MAST4: variants seen among roughly 807,000 people sequenced by gnomAD.
MAST4 encodes the protein microtubule-associated serine/threonine-protein kinase 4.
A neutral mutation model predicts 162.7 loss-of-function variants in MAST4; 89 were observed. The observed-to-expected ratio is 0.55, with a 90% CI of 0.46 to 0.65. The LOEUF is 0.65. Ranked by LOEUF, MAST4 falls within the 30% of genes least tolerant of loss-of-function variation. The pLI is 0.00. For missense variants in MAST4, 3,153 were observed against 3,374.0 expected (o/e 0.93, Z 1.62); for synonymous variants, 1,479 against 1,361.1 (o/e 1.09, Z -1.91).
At chr5:66,829,882 C>T (rs1238209535) in intron 3 of MAST4, among the ~76,000 whole-genome samples, 1 of 151,982 alleles carries the variant, frequency 6.6e-6, no homozygotes, top group African/African-American at 2.4e-5. Context: ...GGATTATTTG[C>T]AGCTAAACAA....
At chr5:66,707,925 C>T (rs927084851) in intron 1 of MAST4, among the ~76,000 whole-genome samples, 1 of 152,092 alleles carries the variant, frequency 6.6e-6, no homozygotes, top group Non-Finnish European at 1.5e-5. Flanking sequence ...GAAAGACTTA[C>T]CATGAAGACA....
At chr5:67,079,950 C>T (rs1376214065) in intron 5 of MAST4, among the ~76,000 whole-genome samples, 1 of 152,206 alleles carries the variant, frequency 6.6e-6, no homozygotes, top group East Asian at 1.9e-4. Flanking sequence ...TACCAGGGGT[C>T]TGCAAAAGGG....
At chr5:67,025,832 AG>A (rs1754575615) in intron 4 of MAST4, among the ~76,000 whole-genome samples, 1 of 152,214 alleles carries the variant, frequency 6.6e-6, no homozygotes, top group Admixed American at 6.6e-5. Flanking sequence ...GAGGGCCCCA[AG>A]GCCCGGACAT....
intron 4 of MAST4, among the ~76,000 whole-genome samples, chr5:67,040,715 T>G (rs1221894203): frequency 6.6e-6 from 1 of 152,258 alleles, no homozygotes; most frequent in Non-Finnish European, 1.5e-5. Context: ...TGTGGATTCC[T>G]AGTTACCAAG....
intron 4 of MAST4, among the ~76,000 whole-genome samples, chr5:66,977,199 C>T (rs1240839901): frequency 1.3e-5 from 2 of 152,188 alleles, no homozygotes; most frequent in African/African-American, 4.8e-5. Context: ...CTCCTGGGTT[C>T]AAGCGATTCT....
intron 1 of MAST4, among the ~76,000 whole-genome samples, chr5:66,623,481 T>C (rs1289175735): frequency 6.6e-6 from 1 of 152,232 alleles, no homozygotes; most frequent in Non-Finnish European, 1.5e-5. Context: ...GCAAGGATGG[T>C]TCAATGTACA....
intron 3 of MAST4, among the ~76,000 whole-genome samples, chr5:66,789,494 C>T (rs1447227229): frequency 6.6e-6 from 1 of 152,156 alleles, no homozygotes; most frequent in African/African-American, 2.4e-5. Flanking sequence ...TCTTTTATGA[C>T]ATTTGACATT....
At chr5:66,760,100 T>C (rs1753772330) in intron 2 of MAST4, among the ~76,000 whole-genome samples, 1 of 150,892 alleles carries the variant, frequency 6.6e-6, no homozygotes, top group African/African-American at 2.4e-5. Flanking sequence ...TATTTATTTA[T>C]TTATTTATTT....
At chr5:67,105,211 T>C (rs930989859) in intron 10 of MAST4, among the ~76,000 whole-genome samples, 1 of 152,142 alleles carries the variant, frequency 6.6e-6, no homozygotes, top group Non-Finnish European at 1.5e-5. Context: ...CTGGCTGAAA[T>C]TGACCAGCCA....
At chr5:67,116,735 G>A (rs976912510) in intron 12 of MAST4, among the ~76,000 whole-genome samples, 1 of 151,996 alleles carries the variant, frequency 6.6e-6, no homozygotes, top group Non-Finnish European at 1.5e-5. Context: ...AGAATCGCTC[G>A]AACCCAGGAG....
intron 3 of MAST4, among the ~76,000 whole-genome samples, chr5:66,811,415 CA>C (rs1407254640): frequency 6.6e-6 from 1 of 152,186 alleles, no homozygotes; most frequent in East Asian, 1.9e-4. Flanking sequence ...AGGACAGACT[CA>C]TCTAAACACG....
At chr5:66,811,426 G>C (rs983935391) in intron 3 of MAST4, among the ~76,000 whole-genome samples, 1 of 152,148 alleles carries the variant, frequency 6.6e-6, no homozygotes, top group Admixed American at 6.5e-5. Context: ...ATCTAAACAC[G>C]TTAGAACTTT....
intron 2 of MAST4, among the ~76,000 whole-genome samples, chr5:66,766,994 T>C (rs1196206069): frequency 6.6e-6 from 1 of 152,184 alleles, no homozygotes; most frequent in African/African-American, 2.4e-5. Context: ...TTCCATCTTC[T>C]GGTTTTGCTC....
intron 4 of MAST4, among the ~76,000 whole-genome samples, chr5:66,976,604 GT>G (rs1317233114): frequency 6.6e-6 from 1 of 152,234 alleles, no homozygotes; most frequent in Non-Finnish European, 1.5e-5. Context: ...AGAACAATGT[GT>G]TTAATGCACA....
At chr5:66,825,575 G>A (rs920864527) in intron 3 of MAST4, among the ~76,000 whole-genome samples, 8 of 152,008 alleles carry the variant, frequency 5.3e-5, no homozygotes, top group South Asian at 2.1e-4. Flanking sequence ...TCAACCAAAC[G>A]TTTTCTTTCC....
chr5:66,819,957 T>C (rs1446206905), intron 3 of MAST4, among the ~76,000 whole-genome samples: 2 of 122,702 alleles, frequency 1.6e-5, no homozygotes, highest in African/African-American at 5.9e-5. Flanking sequence ...TGGGGTTTTT[T>C]CTTTTAATTT....
At chr5:66,779,517 AAG>A (rs1754755575) in intron 2 of MAST4, among the ~76,000 whole-genome samples, 1 of 151,778 alleles carries the variant, frequency 6.6e-6, no homozygotes, top group Admixed American at 6.6e-5. Context: ...TGCCATTAAG[AAG>A]AGTGATTTAG....
intron 4 of MAST4, among the ~76,000 whole-genome samples, chr5:67,007,908 A>G (rs766657835): frequency 2.0e-5 from 3 of 152,198 alleles, no homozygotes; most frequent in Non-Finnish European, 4.4e-5. Flanking sequence ...TCTCAGGCCT[A>G]GATTCTCAAA....
intron 14 of MAST4, among the ~76,000 whole-genome samples, chr5:67,126,727 G>T (rs532376646): frequency 6.6e-5 from 10 of 152,134 alleles, no homozygotes; most frequent in Non-Finnish European, 7.4e-5. Context: ...GGCTATGCAG[G>T]CTCTTTTTTG....
Sources: allele counts gnomAD v4.1 joint callset (sites outside exome capture counted in the v4.1 genomes callset), GRCh38; gene constraint gnomAD v4.1.1; transcripts MANE v1.5; gene names NCBI Gene and HGNC (gene_info 2026-07-23, HGNC 2026-07-21).